The following HS6ST1 variants were observed in gnomAD, a reference collection of about 807,000 sequenced individuals.
HS6ST1 encodes heparan-sulfate 6-O-sulfotransferase 1.
In HS6ST1, 3 loss-of-function variants were observed where a neutral mutation model predicts 25.2. The observed-to-expected ratio is 0.12, with a 90% CI of 0.05 to 0.31. The LOEUF is 0.31. Ranked by LOEUF, HS6ST1 falls within the 10% of genes least tolerant of loss-of-function variation. The probability of loss-of-function intolerance (pLI) is 1.00; values close to 1 mark genes in which losing one functional copy is unlikely to be tolerated. For synonymous variants in HS6ST1, 204 were observed against 275.1 expected (o/e 0.74, Z 2.56); for missense variants, 310 against 609.6 (o/e 0.51, Z 5.18).
Position 128,268,698 on chromosome 2 carries a change from T to C in HS6ST1, c.700A>G (p.Thr234Ala), listed in dbSNP as rs1435706578. The change falls in exon 2 of 2, where the codon ACG becomes GCG. Residue 234 changes from threonine (T) to alanine (A), a missense_variant. Coordinates refer to ENST00000259241, the MANE Select transcript of HS6ST1 (RefSeq NM_004807.3). ...GGGCAGTCCATGAACTCCTGTAGCG[T>C]GCAGCCCGACCAGTCCGTGCCCTCG... ...CYEGTDWSGC[T>A]LQEFMDCPYN... The C allele has an allele frequency of 6.2e-7, 1 of 1,612,020 alleles. No individual in the cohort carries two copies. The highest frequency in any genetic ancestry group is 2.2e-5 in the East Asian group (1 of 44,864).
At chr2:128,291,228 C>CTT (rs1453556776) in intron 1 of HS6ST1, among the ~76,000 whole-genome samples, 1 of 152,250 alleles carries the variant, frequency 6.6e-6, no homozygotes, top group Non-Finnish European at 1.5e-5. Flanking sequence ...GTGAGTACCC[C>CTT]GTGCAGGCAT....
At chr2:128,284,106 G>C (rs543515649) in intron 1 of HS6ST1, among the ~76,000 whole-genome samples, 1 of 151,752 alleles carries the variant, frequency 6.6e-6, no homozygotes, top group East Asian at 1.9e-4. Flanking sequence ...CCCTCCTGCC[G>C]GCCCTGTTCC....
intron 1 of HS6ST1, 100 bp downstream of exon 1, chr2:128,317,937 G>A (rs1262213650): frequency 1.2e-5 from 16 of 1,306,778 alleles, no homozygotes; most frequent in South Asian, 2.0e-5. Context: ...GAGGGCAGAA[G>A]GGGGTAGGGA....
At chr2:128,314,570 G>A (rs1694333864) in intron 1 of HS6ST1, among the ~76,000 whole-genome samples, 3 of 152,200 alleles carry the variant, frequency 2.0e-5, no homozygotes, top group Non-Finnish European at 4.4e-5. Flanking sequence ...CACACCAGGT[G>A]GACGGCACAC....
In HS6ST1 at chr2:128,307,035, G is replaced by A. The variant is rs146605828; in HGVS notation, c.527+11002C>T. Among the ~76,000 whole-genome samples the A allele has an allele frequency of 2.2e-3, 331 of 152,260 alleles. 1 individual carries two copies. Among genetic ancestry groups the A allele is most frequent in the African/African-American group, 7.7e-3 (321 of 41,546 alleles). On this transcript the variant is annotated intron_variant, in intron 1 of 1. Coordinates refer to ENST00000259241, the MANE Select transcript of HS6ST1 (RefSeq NM_004807.3). Reference sequence around the variant, plus strand: ...AGATTTTCACTGGGAGTTGGGGTGGGGGGGTCCCTGTGACTTCAGAGCCGT... The same window carrying A: ...AGATTTTCACTGGGAGTTGGGGTGGAGGGGTCCCTGTGACTTCAGAGCCGT...
chr2:128,293,566 G>A (rs1157367146), intron 1 of HS6ST1, among the ~76,000 whole-genome samples: 2 of 152,228 alleles, frequency 1.3e-5, no homozygotes, highest in Non-Finnish European at 2.9e-5. Context: ...TCCGAGGGGC[G>A]CTTCCCGGGG....
At chr2:128,285,678 C>A (rs573003615) in intron 1 of HS6ST1, among the ~76,000 whole-genome samples, 19 of 152,326 alleles carry the variant, frequency 1.2e-4, no homozygotes, top group Admixed American at 9.1e-4. Context: ...TCCACCCTGC[C>A]AGGCTGACTC....
intron 1 of HS6ST1, among the ~76,000 whole-genome samples, chr2:128,281,843 G>T (rs958736725): frequency 6.6e-6 from 1 of 152,212 alleles, no homozygotes; most frequent in Non-Finnish European, 1.5e-5. Context: ...TGAACTCCTG[G>T]CGCTTTACCC....
intron 1 of HS6ST1, among the ~76,000 whole-genome samples, chr2:128,315,684 C>T (rs1207785708): frequency 6.6e-6 from 1 of 152,152 alleles, no homozygotes; most frequent in East Asian, 1.9e-4. Flanking sequence ...TGCATCCCAA[C>T]CGCCACAGCA....
Position 128,268,032 on chromosome 2 carries a change from T to C in HS6ST1, c.*130A>G. The C allele has an allele frequency of 1.4e-6, 1 of 704,522 alleles. No homozygotes were observed. Among genetic ancestry groups the C allele is most frequent in the Non-Finnish European group, 2.4e-6 (1 of 413,580 alleles). 43.6% of individuals were successfully genotyped at this position (704,522 alleles called of 1,614,324 possible). A position where few individuals can be genotyped will look rare whatever the true frequency, so the allele number is the denominator to read the frequency against. On this transcript the variant is annotated 3_prime_UTR_variant, in exon 2 of 2. Coordinates refer to ENST00000259241, the MANE Select transcript of HS6ST1 (RefSeq NM_004807.3). Reference sequence around the variant, plus strand: ...CCACTACATCCCTGCTCTGTTTTTTTTCAGGACGCAGCTACCTCTGTGGAG... The same window carrying C: ...CCACTACATCCCTGCTCTGTTTTTTCTCAGGACGCAGCTACCTCTGTGGAG...
At chr2:128,311,824 C>T (rs1361070653) in intron 1 of HS6ST1, among the ~76,000 whole-genome samples, 5 of 152,174 alleles carry the variant, frequency 3.3e-5, no homozygotes, top group African/African-American at 7.2e-5. Flanking sequence ...CTCCCTGGGC[C>T]GGTGGTGGCA....
At chr2:128,297,753 G>C (rs1442701242) in intron 1 of HS6ST1, among the ~76,000 whole-genome samples, 1 of 152,208 alleles carries the variant, frequency 6.6e-6, no homozygotes, top group Non-Finnish European at 1.5e-5. Context: ...AGAATCGCTT[G>C]AACCTGGGAA....
rs1693498642 is a variant in HS6ST1 at position 128,265,618 on chromosome 2, TAAG to T, written c.*2541_*2543del. 5.2e-5 allele frequency: 8 copies of T among 152,394 alleles called. No homozygotes were observed. The South Asian group carries it at 1.4e-3, about 28-fold the overall frequency. The allele number at this position is 152,394 out of a possible 1,614,324, so 9.4% of individuals were successfully genotyped here. A position where few individuals can be genotyped will look rare whatever the true frequency, so the allele number is the denominator to read the frequency against. On this transcript the variant is annotated 3_prime_UTR_variant, in exon 2 of 2. Transcript: ENST00000259241. Reference sequence around the variant, plus strand: ...AAAAAATTTCTTCAACACTTTTTTTTAAGAAGAAGCTATAAATAAATAAAGCTT... The same window carrying T: ...AAAAAATTTCTTCAACACTTTTTTTTAAGAAGCTATAAATAAATAAAGCTT...
At position 128,268,053 on chromosome 2, in the gene HS6ST1, T is replaced by G. The variant is rs578043508; in HGVS notation, c.*109A>C. The G allele has an allele frequency of 2.6e-6, 2 of 759,948 alleles. No homozygotes were observed. The highest frequency in any genetic ancestry group is 3.2e-5 in the South Asian group (2 of 62,298). 47.1% of individuals were successfully genotyped at this position (759,948 alleles called of 1,614,324 possible). On this transcript the variant is annotated 3_prime_UTR_variant, in exon 2 of 2. Transcript: ENST00000259241. Reference sequence around the variant, plus strand: ...TTTTTTCAGGACGCAGCTACCTCTGTGGAGCAGGTTTGGGATGCTCATCCC... The same window carrying G: ...TTTTTTCAGGACGCAGCTACCTCTGGGGAGCAGGTTTGGGATGCTCATCCC...
intron 1 of HS6ST1, among the ~76,000 whole-genome samples, chr2:128,309,679 C>T (rs946938862): frequency 1.3e-5 from 2 of 152,242 alleles, no homozygotes; most frequent in Non-Finnish European, 2.9e-5. Flanking sequence ...GGCCTTTTAA[C>T]GTTCTCTGTG....
intron 1 of HS6ST1, among the ~76,000 whole-genome samples, chr2:128,308,633 C>A (rs1694246095): frequency 6.6e-6 from 1 of 152,178 alleles, no homozygotes; most frequent in Non-Finnish European, 1.5e-5. Context: ...GTAGAGACAG[C>A]CTTTTGTCAA....
chr2:128,272,162 C>T (rs1046615097), intron 1 of HS6ST1, among the ~76,000 whole-genome samples: 3 of 152,212 alleles, frequency 2.0e-5, no homozygotes, highest in Non-Finnish European at 2.9e-5. Flanking sequence ...GGGCCTCTGC[C>T]GTGGAGGGGC....
At chr2:128,294,488 G>A (rs568679574) in intron 1 of HS6ST1, among the ~76,000 whole-genome samples, 4 of 152,194 alleles carry the variant, frequency 2.6e-5, no homozygotes, top group Non-Finnish European at 5.9e-5. Flanking sequence ...GTCAAGAGGC[G>A]CTGGCTGTCC....
chr2:128,301,281 C>G (rs767396803), intron 1 of HS6ST1, among the ~76,000 whole-genome samples: 2 of 152,002 alleles, frequency 1.3e-5, no homozygotes, highest in Non-Finnish European at 2.9e-5. Flanking sequence ...TCCTGTACCC[C>G]TCTGTGTTGG....
Sources: gnomAD v4.1 joint callset for allele counts (sites outside exome capture counted in the v4.1 genomes callset) on GRCh38, gnomAD v4.1.1 for gene constraint, MANE v1.5 for transcripts, NCBI Gene and HGNC (gene_info 2026-07-23, HGNC 2026-07-21) for gene names.